LUZP2: variants seen among roughly 807,000 people sequenced by gnomAD.
LUZP2 encodes the protein leucine zipper protein 2.
In LUZP2, 52 loss-of-function variants were observed where a neutral mutation model predicts 51.6. The observed-to-expected ratio is 1.01, with a 90% CI of 0.81 to 1.27. The LOEUF is 1.27. Among genes scored for constraint, LUZP2 ranks in the 50% most tolerant of loss-of-function variants. The pLI is 0.00. For synonymous variants in LUZP2, 154 were observed against 137.3 expected (o/e 1.12, Z -0.85); for missense variants, 436 against 395.4 (o/e 1.10, Z -0.87).
intron 8 of LUZP2, among the ~76,000 whole-genome samples, 199 bp downstream of exon 8, chr11:24,976,864 A>G (rs1291415131): frequency 6.6e-6 from 1 of 151,854 alleles, no homozygotes; most frequent in Non-Finnish European, 1.5e-5. Flanking sequence ...TTGCTGCTAC[A>G]GTAAACTGAC....
chr11:24,815,656 G>T (rs1318608336), intron 5 of LUZP2, among the ~76,000 whole-genome samples: 1 of 152,028 alleles, frequency 6.6e-6, no homozygotes, highest in Non-Finnish European at 1.5e-5. Flanking sequence ...AGATGGGTTG[G>T]GTTTGTTTTC....
chr11:24,538,652 A>ATG (rs10627420), intron 1 of LUZP2, among the ~76,000 whole-genome samples: 62,654 of 146,134 alleles, frequency 0.43, 14,097 homozygotes, highest in East Asian at 0.72. Flanking sequence ...TGTTTTTTAT[A>ATG]TGTGTGTGTG....
chr11:25,076,614 T>G (rs72881632), intron 10 of LUZP2, among the ~76,000 whole-genome samples: 2,331 of 37,140 alleles, frequency 0.063, 84 homozygotes, highest in Admixed American at 0.23. Context: ...AAGGAAGGAA[T>G]GAAGGAAGGA....
At chr11:24,974,701 A>G (rs1246503566) in intron 7 of LUZP2, among the ~76,000 whole-genome samples, 1 of 152,066 alleles carries the variant, frequency 6.6e-6, no homozygotes, top group Non-Finnish European at 1.5e-5. Flanking sequence ...GTTGTGATTA[A>G]ATAAATTTTA....
chr11:24,627,566 T>C (rs1854726097), intron 1 of LUZP2, among the ~76,000 whole-genome samples: 1 of 152,182 alleles, frequency 6.6e-6, no homozygotes, highest in South Asian at 2.1e-4. Context: ...CAGATAGCAA[T>C]TTGCTTTACC....
At chr11:24,527,585 A>T in intron 1 of LUZP2, among the ~76,000 whole-genome samples, 1 of 143,420 alleles carries the variant, frequency 7.0e-6, no homozygotes, top group East Asian at 1.9e-4. Flanking sequence ...ACACACACAC[A>T]CACACACACA....
chr11:24,883,071 T>A (rs950732486), intron 5 of LUZP2, among the ~76,000 whole-genome samples: 1 of 151,790 alleles, frequency 6.6e-6, no homozygotes, highest in Non-Finnish European at 1.5e-5. Context: ...GGAAAATATC[T>A]CAAGGATGAT....
At chr11:24,829,529 T>C (rs1850637785) in intron 5 of LUZP2, among the ~76,000 whole-genome samples, 1 of 152,210 alleles carries the variant, frequency 6.6e-6, no homozygotes, top group Admixed American at 6.5e-5. Context: ...TATATGTATA[T>C]ACCCATATAT....
Position 24,896,766 on chromosome 11 carries a change from T to C in LUZP2, c.397-9225T>C, listed in dbSNP as rs1853075411. ...GGGGAAGCCAGCTGGGCTCTTGAGT[T>C]GGGTGGGAACTTGGAGAACTTTTGT... On this transcript the variant is annotated intron_variant, in intron 5 of 11. Transcript: ENST00000336930. Among the ~76,000 whole-genome samples the C allele has an allele frequency of 2.0e-5, 3 of 152,190 alleles. No individual in the cohort carries two copies. In the South Asian group the frequency reaches 6.2e-4, roughly 31 times the overall value.
intron 1 of LUZP2, among the ~76,000 whole-genome samples, chr11:24,561,555 A>G (rs1377200675): frequency 6.6e-6 from 1 of 152,136 alleles, no homozygotes; most frequent in Non-Finnish European, 1.5e-5. Flanking sequence ...TCAGCAAACT[A>G]ACACCAGAAC....
rs531868690 is a variant in LUZP2 at position 25,063,183 on chromosome 11, T to C, written c.858+13053T>C. Among the ~76,000 whole-genome samples the C allele has an allele frequency of 7.9e-5, 12 of 151,892 alleles. 1 individual carries two copies. In the South Asian group the frequency reaches 2.5e-3, roughly 32 times the overall value. ...TAGTGTAACAACTATTTACATCACA[T>C]TCCTATTATATTAGGTGCCATAATT... On this transcript the variant is annotated intron_variant, in intron 10 of 11. Coordinates refer to ENST00000336930, the MANE Select transcript of LUZP2 (RefSeq NM_001009909.4).
chr11:25,077,153 C>T (rs1859333075), intron 10 of LUZP2, among the ~76,000 whole-genome samples, 176 bp from the exon 11 acceptor site: 1 of 152,186 alleles, frequency 6.6e-6, no homozygotes, highest in Non-Finnish European at 1.5e-5. Flanking sequence ...TGCTTGCTCT[C>T]TCCTTGAAAT....
chr11:24,918,395 G>A (rs1853872050), intron 7 of LUZP2, among the ~76,000 whole-genome samples: 1 of 151,882 alleles, frequency 6.6e-6, no homozygotes, highest in Non-Finnish European at 1.5e-5. Context: ...GGTGAGAGAG[G>A]CCATCCCTCT....
chr11:25,007,144 G>A (rs932518087), intron 9 of LUZP2, among the ~76,000 whole-genome samples: 3 of 152,144 alleles, frequency 2.0e-5, no homozygotes, highest in Non-Finnish European at 4.4e-5. Context: ...TAGACACAGA[G>A]CACTGATTGG....
chr11:24,928,699 A>T (rs1854351663), intron 7 of LUZP2, among the ~76,000 whole-genome samples: 1 of 151,812 alleles, frequency 6.6e-6, no homozygotes, highest in African/African-American at 2.4e-5. Context: ...TTAAAATGTT[A>T]TGTCCTTTTC....
At chr11:25,050,585 T>C (rs1246246555) in intron 10 of LUZP2, among the ~76,000 whole-genome samples, 2 of 152,170 alleles carry the variant, frequency 1.3e-5, no homozygotes, top group African/African-American at 2.4e-5. Context: ...ATTACAGGCA[T>C]GAGCCACTGA....
chr11:24,711,005 GA>G (rs1565091900), intron 1 of LUZP2, among the ~76,000 whole-genome samples: 1 of 150,612 alleles, frequency 6.6e-6, no homozygotes, highest in African/African-American at 2.5e-5. Flanking sequence ...TAGAGAGGGG[GA>G]AAAAAGAAAA....
At chr11:24,722,561 C>A (rs371210520) in intron 1 of LUZP2, among the ~76,000 whole-genome samples, 14 of 152,196 alleles carry the variant, frequency 9.2e-5, no homozygotes, top group African/African-American at 3.1e-4. Context: ...GGAGGGGACA[C>A]AGCCAAACCA....
chr11:24,841,583 T>A (rs1385625353), intron 5 of LUZP2, among the ~76,000 whole-genome samples: 1 of 152,120 alleles, frequency 6.6e-6, no homozygotes, highest in Non-Finnish European at 1.5e-5. Context: ...ATTTAAATTT[T>A]TGGAAATTAT....
Sources: allele counts gnomAD v4.1 joint callset (sites outside exome capture counted in the v4.1 genomes callset), GRCh38; gene constraint gnomAD v4.1.1; transcripts MANE v1.5; gene names NCBI Gene and HGNC (gene_info 2026-07-23, HGNC 2026-07-21).